EXOSC8: variants seen among roughly 807,000 people sequenced by gnomAD.
EXOSC8 encodes exosome complex component RRP43.
Under a neutral mutation model 39.9 loss-of-function variants are expected in EXOSC8, and 37 were observed. That is an observed-to-expected ratio of 0.93 (90% CI 0.71 to 1.22). EXOSC8 has a LOEUF of 1.22. EXOSC8 is among the 50% of genes most tolerant of loss of function. EXOSC8 has a pLI of 0.00. For missense variants in EXOSC8, 313 were observed against 326.6 expected (o/e 0.96, Z 0.32); for synonymous variants, 93 against 109.5 (o/e 0.85, Z 0.94).
chr13:37,007,142 G>A, intron 8 of EXOSC8, 71 bp downstream of exon 8: 1 of 968,350 alleles, frequency 1.0e-6, no homozygotes, highest in East Asian at 2.4e-5. Context: ...AACTTTTAAT[G>A]TACATTTGCT....
At chr13:37,006,574 TCA>T (rs1408760053) in intron 7 of EXOSC8, among the ~76,000 whole-genome samples, 2 of 152,156 alleles carry the variant, frequency 1.3e-5, no homozygotes, top group Non-Finnish European at 2.9e-5. Flanking sequence ...TCCTACTAGA[TCA>T]TATAAACTGA....
intron 10 of EXOSC8, 76 bp from the exon 11 acceptor site, chr13:37,009,108 A>T: frequency 2.0e-6 from 2 of 1,005,968 alleles, no homozygotes; most frequent in Admixed American, 2.5e-5. Flanking sequence ...TTTGTTTTAT[A>T]ATTTGACATG....
rs535085627 is a variant in EXOSC8, at chr13:37,005,922, C to T, written c.241C>T (p.Pro81Ser). ...TDAPDKGYVV[P>S]NVDLPPLCSS... is the part of the protein sequence containing the mutation. The stretch of plus-strand genomic sequence containing the variant: ...TAGCTGCAGAGTGTTTCTTTCAGTT[C>T]CTAATGTGGATCTACCACCCCTGTG... The change falls in exon 6 of 11, where the codon CCT (proline) becomes TCT (serine). Residue 81 changes from proline (P) to serine (S), a missense_variant and splice_region_variant. By Grantham distance (74) the Pro-to-Ser change is moderately conservative. Coordinates refer to ENST00000389704, the MANE Select transcript of EXOSC8 (RefSeq NM_181503.3). The T allele has an allele frequency of 5.9e-5, 84 of 1,416,436 alleles. No homozygotes were observed. In the South Asian group the frequency reaches 8.9e-4, roughly 15 times the overall value. 87.7% of individuals were successfully genotyped at this position (1,416,436 alleles called of 1,614,324 possible).
At chr13:37,005,482 T>C (rs1315705107) in intron 5 of EXOSC8, among the ~76,000 whole-genome samples, 2 of 152,132 alleles carry the variant, frequency 1.3e-5, no homozygotes, top group African/African-American at 2.4e-5. Context: ...ACTATAATGT[T>C]ACAATGTATT....
intron 9 of EXOSC8, 49 bp downstream of exon 9, chr13:37,008,226 T>C (rs1345964986): frequency 1.4e-6 from 2 of 1,446,018 alleles, no homozygotes; most frequent in African/African-American, 1.4e-5. Flanking sequence ...AAGATTAGGG[T>C]AATTGATGTT....
At position 37,003,005 on chromosome 13, in the gene EXOSC8, G is replaced by A; in HGVS notation, c.190G>A (p.Ala64Thr). 1 of 1,576,938 alleles carries A rather than the reference G, an allele frequency of 6.3e-7. No individual in the cohort carries two copies. Among genetic ancestry groups the A allele is most frequent in the Non-Finnish European group, 8.7e-7 (1 of 1,146,564 alleles). Residue 64 changes from alanine to threonine, a missense_variant and splice_region_variant, in exon 4 of 11, where the codon GCA (alanine) becomes ACA (threonine). Transcript: ENST00000389704. Reference sequence around the variant, plus strand: ...TACTACAGTAATCTGTGGAGTTAAAGCAGTAAGTCTAAATATGTCCTATTG... The same window carrying A: ...TACTACAGTAATCTGTGGAGTTAAAACAGTAAGTCTAAATATGTCCTATTG... ...GNTTVICGVK[A>T]EFAAPSTDAP...
chr13:37,008,856 T>C (rs113602963), intron 10 of EXOSC8, 21 bp downstream of exon 10: 2 of 1,461,286 alleles, frequency 1.4e-6, no homozygotes, highest in Admixed American at 3.3e-5. Flanking sequence ...GCCACTTCAG[T>C]CCTAAACATA....
chr13:37,002,207 C>G (rs1423806352), intron 1 of EXOSC8, 66 bp from the exon 2 acceptor site: 2 of 1,234,138 alleles, frequency 1.6e-6, no homozygotes, highest in Non-Finnish European at 1.2e-6. Flanking sequence ...AAGATCTTTG[C>G]CAATTTCTGG....
chr13:37,006,150 C>T lies in EXOSC8; in HGVS notation c.380C>T (p.Ser127Phe). 3 of 1,608,294 alleles carry T rather than the reference C, an allele frequency of 1.9e-6. No individual in the cohort carries two copies. Among genetic ancestry groups the T allele is most frequent in the Non-Finnish European group, 2.6e-6 (3 of 1,175,324 alleles). ...ATTCAGAAAGAGGACTTATGCATTT[C>T]TCCAGGAAAGGTAAGAGGAATAGAG... ...QIIQKEDLCI[S>F]PGKLVWVLYC... Residue 127 changes from serine to phenylalanine, a missense_variant, in exon 7 of 11, where the codon TCT becomes TTT. Physicochemically the swap from Ser to Phe is radical, Grantham distance 155 (BLOSUM62 -2). Transcript: ENST00000389704.
In EXOSC8 at chr13:37,004,989, CTG is replaced by C. The variant is rs560331906; in HGVS notation, c.238+432_238+433del. ...GTTAGCTGGGTGTGCCAGTGCACAC[CTG>C]TGTCCCAGCTACTTGGGAGGCTGAA... On this transcript the variant is annotated intron_variant, in intron 5 of 10. Transcript: ENST00000389704. 9.9e-5 allele frequency among the ~76,000 whole-genome samples: 15 copies of C among 152,242 alleles called. No homozygotes were observed. In the South Asian group the frequency reaches 2.9e-3, roughly 29 times the overall value.
intron 1 of EXOSC8, 70 bp downstream of exon 1, chr13:37,000,892 G>T: frequency 1.4e-6 from 2 of 1,435,678 alleles, no homozygotes; most frequent in Non-Finnish European, 1.8e-6. Context: ...ACTCTTAGCT[G>T]GGATTCTCTC....
chr13:37,009,118 G>A, intron 10 of EXOSC8, 66 bp from the exon 11 acceptor site: 2 of 1,046,474 alleles, frequency 1.9e-6, no homozygotes, highest in African/African-American at 1.6e-5. Context: ...AATTTGACAT[G>A]ACATTAATGT....
chr13:37,004,340 TG>T, intron 4 of EXOSC8, 175 bp from the exon 5 acceptor site: 5 of 579,176 alleles, frequency 8.6e-6, no homozygotes, highest in Non-Finnish European at 1.5e-5. Flanking sequence ...TCCACTGTAC[TG>T]TAGTGCCTTC....
At chr13:37,002,377 A>G (rs990766167) in intron 2 of EXOSC8, 68 bp downstream of exon 2, 3 of 1,429,240 alleles carry the variant, frequency 2.1e-6, no homozygotes, top group East Asian at 2.3e-5. Context: ...AATTTCAAGT[A>G]ATTTAAATTA....
chr13:37,003,647 T>TAAC, intron 4 of EXOSC8: 1 of 152,534 alleles, frequency 6.6e-6, no homozygotes, highest in Non-Finnish European at 1.5e-5. Flanking sequence ...GAGTGATGTA[T>TAAC]AACAGTAAGA....
intron 10 of EXOSC8, 38 bp from the exon 11 acceptor site, chr13:37,009,146 T>A: frequency 7.7e-7 from 1 of 1,299,450 alleles, no homozygotes; most frequent in Non-Finnish European, 1.1e-6. Flanking sequence ...AAAGGAATGA[T>A]AACTGAGATT....
In EXOSC8 at chr13:37,000,820, C is replaced by G. The variant is rs369381650; in HGVS notation, c.15C>G (p.Phe5Leu). MAAG[F>L]KTVEPLEYYR... ...CGGGCGGGAAGATGGCGGCTGGGTT[C>G]AAGTGAGTGTTGGCGGGTGGCGGGT... The change falls in exon 1 of 11, where the codon TTC becomes TTG. Residue 5 changes from phenylalanine to leucine, a missense_variant and splice_region_variant. Coordinates refer to ENST00000389704, the MANE Select transcript of EXOSC8 (RefSeq NM_181503.3). The G allele has an allele frequency of 5.7e-5, 90 of 1,579,406 alleles. No individual in the cohort carries two copies. Among genetic ancestry groups the G allele is most frequent in the Non-Finnish European group, 7.5e-5 (87 of 1,163,136 alleles).
At chr13:37,003,873 CT>C (rs771339894) in intron 4 of EXOSC8, 276 of 138,468 alleles carry the variant, frequency 2.0e-3, no homozygotes, top group Non-Finnish European at 1.8e-3. Flanking sequence ...AGAGCATTTG[CT>C]TTTTTTTTTT....
At position 37,004,545 on chromosome 13, in the gene EXOSC8, T is replaced by C; in HGVS notation, c.222T>C (p.Pro74=). 6.2e-7 allele frequency: 1 copy of C among 1,605,074 alleles called. No homozygotes were observed. The highest frequency in any genetic ancestry group is 8.5e-7 in the Non-Finnish European group (1 of 1,172,624). The part of the protein sequence containing the change: ...AEFAAPSTDA[P]DKGYVVPNVD... Reference sequence around the variant, plus strand: ...TTGCAGCACCATCAACAGATGCCCCTGATAAAGGATACGTTGGTAAGTTAA... The same window carrying C: ...TTGCAGCACCATCAACAGATGCCCCCGATAAAGGATACGTTGGTAAGTTAA... Residue 74 remains proline, a synonymous_variant, in exon 5 of 11, where the codon CCT becomes CCC. Transcript: ENST00000389704.
Sources: allele counts gnomAD v4.1 joint callset (sites outside exome capture counted in the v4.1 genomes callset), GRCh38; gene constraint gnomAD v4.1.1; transcripts MANE v1.5; gene names NCBI Gene and HGNC (gene_info 2026-07-23, HGNC 2026-07-21).